The following RNF170 variants were observed in gnomAD, a reference collection of about 807,000 sequenced individuals.
RNF170 encodes the protein ring finger protein 170.
RNF170 carries 12 observed loss-of-function variants against 32.7 expected under a neutral mutation model. That is an observed-to-expected ratio of 0.37 (90% CI 0.24 to 0.60). The LOEUF (loss-of-function observed/expected upper bound fraction) is 0.60. Ranked by LOEUF, RNF170 falls within the 20% of genes least tolerant of loss-of-function variation. The probability of loss-of-function intolerance (pLI) is 0.72; values close to 1 mark genes in which losing one functional copy is unlikely to be tolerated. For synonymous variants in RNF170, 91 were observed against 103.6 expected (o/e 0.88, Z 0.74); for missense variants, 212 against 311.2 (o/e 0.68, Z 2.40).
chr8:42,858,651 C>T (rs1000493090), intron 6 of RNF170, among the ~76,000 whole-genome samples: 2 of 152,170 alleles, frequency 1.3e-5, no homozygotes, highest in African/African-American at 2.4e-5. Context: ...GGAGGGTCTA[C>T]TTAAGATAGT....
chr8:42,859,855 G>T (rs1014286516), intron 6 of RNF170, among the ~76,000 whole-genome samples: 1 of 152,070 alleles, frequency 6.6e-6, no homozygotes, highest in African/African-American at 2.4e-5. Context: ...TTGCTAAGTT[G>T]CCCAGGCTGG....
chr8:42,887,672 T>A, intron 2 of RNF170, 56 bp downstream of exon 2: 2 of 1,533,032 alleles, frequency 1.3e-6, no homozygotes, highest in Non-Finnish European at 1.8e-6. Flanking sequence ...TTATTAGGGG[T>A]CAAAAAGTCA....
rs1315465103 is a variant in RNF170 at position 42,870,357 on chromosome 8, GTTCA to G, written c.214-249_214-246del. Among the ~76,000 whole-genome samples, 3 of 152,242 alleles carry G rather than the reference GTTCA, an allele frequency of 2.0e-5. No individual in the cohort carries two copies. The East Asian group carries it at 5.8e-4, about 29-fold the overall frequency. On this transcript the variant is annotated intron_variant, in intron 3 of 6. Coordinates refer to ENST00000527424, the MANE Select transcript of RNF170 (RefSeq NM_030954.4). ...GACAAAAACTTAGATTAACTCAAGA[GTTCA>G]TCTTTTACTCTACTGGAATAAGTAA...
chr8:42,864,044 A>C (rs1007158355), intron 5 of RNF170, among the ~76,000 whole-genome samples: 3 of 145,510 alleles, frequency 2.1e-5, no homozygotes, highest in Admixed American at 2.1e-4. Context: ...GTGGAGGAAT[A>C]CTTTTTTTTT....
intron 2 of RNF170, among the ~76,000 whole-genome samples, chr8:42,884,475 C>T (rs1805653048): frequency 6.6e-6 from 1 of 151,986 alleles, no homozygotes; most frequent in Admixed American, 6.6e-5. Flanking sequence ...GTTTTATTGT[C>T]CAAGAGTCCC....
At chr8:42,880,022 C>T (rs933337179) in intron 2 of RNF170, among the ~76,000 whole-genome samples, 2 of 152,072 alleles carry the variant, frequency 1.3e-5, no homozygotes, top group Non-Finnish European at 2.9e-5. Context: ...CAACATTAAC[C>T]GGAGTTTGGA....
intron 2 of RNF170, among the ~76,000 whole-genome samples, chr8:42,874,635 A>T (rs1432589156): frequency 1.4e-4 from 21 of 151,922 alleles, no homozygotes. Flanking sequence ...TCAGCTACTC[A>T]GGAGGCTGAG....
Position 42,855,050 on chromosome 8 carries a change from C to T in RNF170, c.*1109G>A, listed in dbSNP as rs757650919. 1.6e-5 allele frequency: 20 copies of T among 1,287,068 alleles called. No homozygotes were observed. Among genetic ancestry groups the T allele is most frequent in the East Asian group, 5.5e-5 (1 of 18,044 alleles). 79.7% of individuals were successfully genotyped at this position (1,287,068 alleles called of 1,614,324 possible). On this transcript the variant is annotated 3_prime_UTR_variant, in exon 7 of 7. Coordinates refer to ENST00000527424, the MANE Select transcript of RNF170 (RefSeq NM_030954.4). Reference sequence around the variant, plus strand: ...CCTATTGGCTTGATGCTCAAAGACACGAAGATTCACCTTCCTCAGAAATGC... The same window carrying T: ...CCTATTGGCTTGATGCTCAAAGACATGAAGATTCACCTTCCTCAGAAATGC...
At chr8:42,891,857 A>G (rs1410708272) in intron 1 of RNF170, among the ~76,000 whole-genome samples, 2 of 152,270 alleles carry the variant, frequency 1.3e-5, no homozygotes, top group Non-Finnish European at 2.9e-5. Context: ...AGTGGTTATC[A>G]GTGAGAAGCT....
intron 2 of RNF170, among the ~76,000 whole-genome samples, chr8:42,880,321 G>C (rs1427061098): frequency 2.0e-5 from 3 of 152,222 alleles, no homozygotes; most frequent in Non-Finnish European, 4.4e-5. Flanking sequence ...GAAGTTGATA[G>C]AGCAGAAGCA....
upstream of RNF170, chr8:42,896,651 C>T (rs566824638): frequency 1.1e-5 from 5 of 452,080 alleles, no homozygotes; most frequent in East Asian, 3.5e-4. Context: ...AGGGCGCGAC[C>T]GGACGGCGGA....
intron 2 of RNF170, among the ~76,000 whole-genome samples, chr8:42,874,888 T>G (rs1056718359): frequency 3.9e-5 from 6 of 152,138 alleles, no homozygotes; most frequent in Admixed American, 1.3e-4. Flanking sequence ...AAGTCAGATG[T>G]TGGCTGGGCA....
At chr8:42,869,881 G>A in intron 4 of RNF170, 123 bp downstream of exon 4, 2 of 723,592 alleles carry the variant, frequency 2.8e-6, no homozygotes, top group Non-Finnish European at 5.1e-6. Context: ...GATATCAGAG[G>A]TAATCTACCC....
At chr8:42,890,215 T>C (rs1003106558) in intron 1 of RNF170, among the ~76,000 whole-genome samples, 1 of 149,576 alleles carries the variant, frequency 6.7e-6, no homozygotes, top group African/African-American at 2.4e-5. Context: ...AACATATATA[T>C]AATATATATT....
At chr8:42,892,879 C>T (rs545584656) in intron 1 of RNF170, among the ~76,000 whole-genome samples, 137 of 152,006 alleles carry the variant, frequency 9.0e-4, no homozygotes, top group African/African-American at 3.2e-3. Context: ...CCCAGCTACT[C>T]GGGAGGCTGA....
intron 2 of RNF170, among the ~76,000 whole-genome samples, chr8:42,880,151 T>C (rs1305483011): frequency 1.3e-5 from 2 of 152,196 alleles, no homozygotes; most frequent in African/African-American, 4.8e-5. Flanking sequence ...AGGCCGAAGA[T>C]GTGACCAAAC....
At chr8:42,896,725 GTGGCGGGGGCGCGCC>G (rs1806946045), upstream of RNF170, 1 of 151,276 alleles carries the variant, frequency 6.6e-6, no homozygotes, top group South Asian at 1.7e-4. Flanking sequence ...CAGCGAACTG[GTGGCGGGGGCGCGCC>G]CGGCGGCAGC....
chr8:42,859,564 C>G (rs946101608), intron 6 of RNF170, among the ~76,000 whole-genome samples: 12 of 152,120 alleles, frequency 7.9e-5, no homozygotes, highest in Non-Finnish European at 1.6e-4. Context: ...AAGGTTGAGG[C>G]TGCAGTGAGC....
chr8:42,873,928 T>C lies in RNF170; in HGVS notation c.213+3A>G. ...ACTCCTCAAATAAATACATATACAA[T>C]ACCTGTTCTGTTTGAAGCTGTTCTC... On this transcript the variant is annotated splice_donor_region_variant and intron_variant, in intron 3 of 6. Coordinates refer to ENST00000527424, the MANE Select transcript of RNF170 (RefSeq NM_030954.4). 6.6e-7 allele frequency: 1 copy of C among 1,523,682 alleles called. No individual in the cohort carries two copies. The highest frequency in any genetic ancestry group is 9.1e-7 in the Non-Finnish European group (1 of 1,097,782). The allele number at this position is 1,523,682 out of a possible 1,614,324, so 94.4% of individuals were successfully genotyped here. A position where few individuals can be genotyped will look rare whatever the true frequency, so the allele number is the denominator to read the frequency against.
Sources: gnomAD v4.1 joint callset for allele counts (sites outside exome capture counted in the v4.1 genomes callset) on GRCh38, gnomAD v4.1.1 for gene constraint, MANE v1.5 for transcripts, NCBI Gene and HGNC (gene_info 2026-07-23, HGNC 2026-07-21) for gene names.